Variants in LRRC4C observed in about 807,000 individuals in gnomAD.
LRRC4C encodes leucine-rich repeat-containing protein 4C.
Under a neutral mutation model 33.6 loss-of-function variants are expected in LRRC4C, and 5 were observed. That is an observed-to-expected ratio of 0.15 (90% CI 0.08 to 0.31). The LOEUF (loss-of-function observed/expected upper bound fraction) is 0.31. LRRC4C is among the 10% of genes least tolerant of loss of function. The probability of loss-of-function intolerance (pLI) is 1.00; values close to 1 mark genes in which losing one functional copy is unlikely to be tolerated. For synonymous variants in LRRC4C, 329 were observed against 302.0 expected, an observed-to-expected ratio of 1.09 and a Z score of -0.93; for missense variants, 560 against 796.7, an observed-to-expected ratio of 0.70 and a Z score of 3.58.
intron 2 of LRRC4C, among the ~76,000 whole-genome samples, chr11:40,772,478 G>C (rs1040800288): frequency 6.6e-6 from 1 of 152,090 alleles, no homozygotes; most frequent in Non-Finnish European, 1.5e-5. Context: ...AATGTATAAG[G>C]AGCTCAAACA....
chr11:41,256,712 T>A (rs1470047689), intron 1 of LRRC4C, among the ~76,000 whole-genome samples: 1 of 151,990 alleles, frequency 6.6e-6, no homozygotes, highest in African/African-American at 2.4e-5. Flanking sequence ...TGTCTTACAT[T>A]GAGAGGAAGT....
chr11:40,243,750 C>T (rs1380437635), intron 4 of LRRC4C, among the ~76,000 whole-genome samples: 9 of 137,668 alleles, frequency 6.5e-5, no homozygotes, highest in African/African-American at 1.7e-4. Context: ...AGTGCAATGG[C>T]GTGAACTTGG....
At chr11:40,527,684 T>G (rs899381182) in intron 3 of LRRC4C, among the ~76,000 whole-genome samples, 3 of 152,146 alleles carry the variant, frequency 2.0e-5, no homozygotes, top group African/African-American at 4.8e-5. Flanking sequence ...CATTGAACTA[T>G]CTAAATAGAT....
At chr11:40,740,242 G>T (rs1174425280) in intron 2 of LRRC4C, among the ~76,000 whole-genome samples, 1 of 151,780 alleles carries the variant, frequency 6.6e-6, no homozygotes, top group African/African-American at 2.4e-5. Flanking sequence ...AACCTTCATT[G>T]TTTTCCATAA....
intron 3 of LRRC4C, among the ~76,000 whole-genome samples, chr11:40,641,003 G>T (rs1266943001): frequency 1.7e-5 from 2 of 119,736 alleles, no homozygotes; most frequent in Non-Finnish European, 3.3e-5. Context: ...GCTACAGAGC[G>T]AGAGTCCATC....
chr11:40,844,239 A>T (rs1051739191), intron 2 of LRRC4C, among the ~76,000 whole-genome samples: 34 of 107,022 alleles, frequency 3.2e-4, no homozygotes, highest in African/African-American at 1.1e-3. Flanking sequence ...AAAGTATAAT[A>T]AAAAAAAAAA....
chr11:41,411,301 A>C (rs1233634334), intron 1 of LRRC4C, among the ~76,000 whole-genome samples: 1 of 150,906 alleles, frequency 6.6e-6, no homozygotes, highest in African/African-American at 2.4e-5. Context: ...GGTGCCCACC[A>C]CCACGCCCAG....
intron 1 of LRRC4C, among the ~76,000 whole-genome samples, chr11:41,451,227 T>C (rs1006694728): frequency 5.9e-5 from 9 of 152,166 alleles, no homozygotes; most frequent in South Asian, 4.1e-4. Flanking sequence ...AGAACATTCA[T>C]TGAGAATTCT....
intron 3 of LRRC4C, among the ~76,000 whole-genome samples, chr11:40,462,780 C>A (rs921091656): frequency 1.3e-5 from 2 of 152,050 alleles, no homozygotes; most frequent in African/African-American, 4.8e-5. Context: ...CAGCTAGCAT[C>A]AATTCAATGG....
chr11:40,218,578 CTATGTATG>C (rs71060947), intron 5 of LRRC4C, among the ~76,000 whole-genome samples: 3,241 of 115,416 alleles, frequency 0.028, 56 homozygotes, highest in East Asian at 0.057. Context: ...GATGAAGAAT[CTATGTATG>C]TATGTATGTA....
At chr11:40,263,876 T>C (rs1349069230) in intron 4 of LRRC4C, among the ~76,000 whole-genome samples, 1 of 152,078 alleles carries the variant, frequency 6.6e-6, no homozygotes, top group African/African-American at 2.4e-5. Context: ...CAGATGAAGA[T>C]CAAATCAGAC....
chr11:41,094,355 C>T (rs1397448597), intron 1 of LRRC4C, among the ~76,000 whole-genome samples: 1 of 151,602 alleles, frequency 6.6e-6, no homozygotes, highest in African/African-American at 2.4e-5. Context: ...GAAACCCCGT[C>T]TCTACTAAAA....
At chr11:40,449,360 C>T (rs1226602686) in intron 3 of LRRC4C, among the ~76,000 whole-genome samples, 1 of 143,990 alleles carries the variant, frequency 6.9e-6, no homozygotes, top group Admixed American at 6.9e-5. Context: ...AAAAAAAAAT[C>T]AACTAAATCA....
intron 1 of LRRC4C, among the ~76,000 whole-genome samples, chr11:41,055,424 C>A (rs1453211852): frequency 6.6e-6 from 1 of 151,992 alleles, no homozygotes; most frequent in African/African-American, 2.4e-5. Context: ...ATTGGGTAAT[C>A]CAATTTATAC....
At chr11:40,625,830 C>G (rs1377133489) in intron 3 of LRRC4C, among the ~76,000 whole-genome samples, 1 of 151,988 alleles carries the variant, frequency 6.6e-6, no homozygotes, top group Non-Finnish European at 1.5e-5. Flanking sequence ...TATAACAAAC[C>G]TTTTCCAAAC....
intron 2 of LRRC4C, among the ~76,000 whole-genome samples, chr11:40,776,728 CACT>C (rs1950014251): frequency 6.6e-6 from 1 of 151,932 alleles, no homozygotes; most frequent in African/African-American, 2.4e-5. Flanking sequence ...TGATACCATT[CACT>C]TCTGCTCTGA....
intron 1 of LRRC4C, among the ~76,000 whole-genome samples, chr11:41,172,855 G>A (rs796135903): frequency 1.3e-5 from 2 of 152,166 alleles, no homozygotes; most frequent in African/African-American, 4.8e-5. Flanking sequence ...TCTTAATGTA[G>A]TAAAGTTATA....
chr11:40,283,149 T>C (rs1177828114), intron 4 of LRRC4C, among the ~76,000 whole-genome samples: 2 of 152,206 alleles, frequency 1.3e-5, no homozygotes, highest in Non-Finnish European at 2.9e-5. Context: ...TTACCACACC[T>C]ACAGTAAGCC....
rs1368231679 is a variant in LRRC4C at position 40,218,739 on chromosome 11, CT to C, written c.-96+22779del. 7.3e-5 allele frequency among the ~76,000 whole-genome samples: 11 copies of C among 151,544 alleles called. No individual in the cohort carries two copies. The East Asian group carries it at 1.2e-3, about 16-fold the overall frequency. On this transcript the variant is annotated intron_variant, in intron 5 of 6. Coordinates refer to ENST00000528697, the MANE Select transcript of LRRC4C (RefSeq NM_001258419.2). ...TCTATCTATCTATCTATCTATCTAT[CT>C]ATCCATCCATCCATCTATCCATCCA...
Sources: allele counts gnomAD v4.1 joint callset (sites outside exome capture counted in the v4.1 genomes callset), GRCh38; gene constraint gnomAD v4.1.1; transcripts MANE v1.5; gene names NCBI Gene and HGNC (gene_info 2026-07-23, HGNC 2026-07-21).